Variants in ANGPT2 observed in about 807,000 individuals in gnomAD.
ANGPT2 encodes the protein angiopoietin 2, also known as angiopoietin-2.
In ANGPT2, 28 loss-of-function variants were observed where a neutral mutation model predicts 62.9. That is an observed-to-expected ratio of 0.44 (90% CI 0.33 to 0.61). ANGPT2 has a LOEUF of 0.61. Among genes scored for constraint, ANGPT2 ranks in the 20% least tolerant of loss-of-function variants. ANGPT2 has a pLI of 0.03. For synonymous variants in ANGPT2, 284 were observed against 207.8 expected (o/e 1.37, Z -3.15); for missense variants, 727 against 594.9 (o/e 1.22, Z -2.31).
At chr8:6,562,610 T>A (rs200032430) in intron 1 of ANGPT2, 37 bp downstream of exon 1, 2 of 1,068,630 alleles carry the variant, frequency 1.9e-6, no homozygotes, top group Non-Finnish European at 2.5e-6. Flanking sequence ...CTGATCTTAA[T>A]AGCATGTTCA....
chr8:6,522,231 T>C (rs1469019758), intron 3 of ANGPT2, among the ~76,000 whole-genome samples: 6 of 151,954 alleles, frequency 3.9e-5, no homozygotes, highest in Admixed American at 3.9e-4. Flanking sequence ...GGCGGGCGCC[T>C]GTAGTCACAG....
intron 3 of ANGPT2, among the ~76,000 whole-genome samples, chr8:6,523,071 C>T (rs1817666762): frequency 6.6e-6 from 1 of 151,738 alleles, no homozygotes; most frequent in Non-Finnish European, 1.5e-5. Context: ...CATCTTGGCT[C>T]ACTGCAACCT....
intron 1 of ANGPT2, among the ~76,000 whole-genome samples, chr8:6,554,863 C>CAGG (rs1824314652): frequency 6.6e-6 from 1 of 152,132 alleles, no homozygotes; most frequent in Admixed American, 6.6e-5. Flanking sequence ...GTCCAGTTCT[C>CAGG]AGGAGTTTTT....
chr8:6,519,245 C>T (rs1477628408), intron 5 of ANGPT2, among the ~76,000 whole-genome samples: 1 of 152,136 alleles, frequency 6.6e-6, no homozygotes, highest in Non-Finnish European at 1.5e-5. Flanking sequence ...TCACCAAGTC[C>T]ACAGGTTGAA....
Position 6,500,071 on chromosome 8 carries a change from C to T in ANGPT2, c.*3030G>A, listed in dbSNP as rs1485149580. On this transcript the variant is annotated 3_prime_UTR_variant, in exon 9 of 9. Coordinates refer to ENST00000629816, the MANE Select transcript of ANGPT2 (RefSeq NM_001118887.2). ...AAAAAGACATTCACAGAACTTAACACCTTTTATCAATTTATTCGCGAGAAC... is the reference window on the plus strand; with the variant it reads ...AAAAAGACATTCACAGAACTTAACATCTTTTATCAATTTATTCGCGAGAAC... 5.5e-6 allele frequency: 4 copies of T among 722,346 alleles called. No homozygotes were observed. The highest frequency in any genetic ancestry group is 2.6e-5 in the East Asian group (1 of 37,866). 44.7% of individuals were successfully genotyped at this position (722,346 alleles called of 1,614,324 possible).
chr8:6,553,691 C>G (rs1197130888), intron 1 of ANGPT2, among the ~76,000 whole-genome samples: 2 of 150,620 alleles, frequency 1.3e-5, no homozygotes, highest in East Asian at 1.9e-4. Flanking sequence ...TTACCTCTCC[C>G]CTTTTCCTTC....
chr8:6,520,053 TTC>T, intron 4 of ANGPT2, 62 bp from the exon 5 acceptor site: 1 of 1,577,342 alleles, frequency 6.3e-7, no homozygotes, highest in Non-Finnish European at 8.6e-7. Flanking sequence ...GACTTGTTAT[TTC>T]AAGAGCCAAT....
intron 1 of ANGPT2, among the ~76,000 whole-genome samples, chr8:6,555,888 G>GT (rs1824527063): frequency 6.6e-6 from 1 of 152,172 alleles, no homozygotes; most frequent in African/African-American, 2.4e-5. Flanking sequence ...CCAGTTGCTT[G>GT]TTTTTGCTTG....
intron 3 of ANGPT2, 101 bp from the exon 4 acceptor site, chr8:6,521,511 T>C: frequency 1.1e-6 from 1 of 871,636 alleles, no homozygotes; most frequent in Non-Finnish European, 1.7e-6. Flanking sequence ...TAAGATATTG[T>C]AGTGGTTATA....
At chr8:6,560,174 C>A (rs1444722979) in intron 1 of ANGPT2, among the ~76,000 whole-genome samples, 1 of 152,068 alleles carries the variant, frequency 6.6e-6, no homozygotes, top group African/African-American at 2.4e-5. Flanking sequence ...GTTTTTGAAT[C>A]TTTCATTTTT....
chr8:6,530,160 A>G (rs897466248), intron 2 of ANGPT2, among the ~76,000 whole-genome samples: 3 of 152,178 alleles, frequency 2.0e-5, no homozygotes, highest in African/African-American at 7.2e-5. Context: ...AAGGTGGGGC[A>G]TGTGACTTAA....
At chr8:6,535,298 A>G (rs1820280729) in intron 1 of ANGPT2, among the ~76,000 whole-genome samples, 1 of 152,246 alleles carries the variant, frequency 6.6e-6, no homozygotes, top group Non-Finnish European at 1.5e-5. Context: ...AGGATTGTTT[A>G]TAATTGAAAA....
chr8:6,520,375 T>G (rs991878957), intron 4 of ANGPT2, among the ~76,000 whole-genome samples: 13 of 152,204 alleles, frequency 8.5e-5, no homozygotes, highest in Non-Finnish European at 1.6e-4. Flanking sequence ...AGAATGTCCC[T>G]AAACACTGTT....
At chr8:6,506,516 C>T (rs1385982972) in intron 8 of ANGPT2, among the ~76,000 whole-genome samples, 2 of 152,310 alleles carry the variant, frequency 1.3e-5, no homozygotes, top group African/African-American at 4.8e-5. Context: ...CTAATAAGCA[C>T]ACCCTTCTCA....
intron 3 of ANGPT2, among the ~76,000 whole-genome samples, chr8:6,522,481 G>C (rs1817547990): frequency 6.6e-6 from 1 of 151,568 alleles, no homozygotes; most frequent in African/African-American, 2.4e-5. Flanking sequence ...TTGAAACTTA[G>C]GGACATTGAG....
chr8:6,513,068 T>TA (rs1462562235), intron 7 of ANGPT2, among the ~76,000 whole-genome samples: 2 of 152,250 alleles, frequency 1.3e-5, no homozygotes, highest in African/African-American at 4.8e-5. Flanking sequence ...TGGGAACACT[T>TA]ACTATTCACT....
chr8:6,542,903 G>A (rs2129574110), intron 1 of ANGPT2, among the ~76,000 whole-genome samples: 1 of 152,312 alleles, frequency 6.6e-6, no homozygotes, highest in African/African-American at 2.4e-5. Flanking sequence ...TCTAAATTTA[G>A]ATAATTTTCT....
intron 1 of ANGPT2, among the ~76,000 whole-genome samples, chr8:6,555,007 G>A (rs536926779): frequency 6.6e-6 from 1 of 152,328 alleles, no homozygotes; most frequent in South Asian, 2.1e-4. Context: ...AGTCCAGGCA[G>A]TGGTAGGCAG....
intron 1 of ANGPT2, among the ~76,000 whole-genome samples, chr8:6,544,182 A>G (rs1822118053): frequency 6.6e-6 from 1 of 152,250 alleles, no homozygotes; most frequent in African/African-American, 2.4e-5. Context: ...GTACGAATCA[A>G]CATATTTACC....
Sources: allele counts gnomAD v4.1 joint callset (sites outside exome capture counted in the v4.1 genomes callset), GRCh38; gene constraint gnomAD v4.1.1; transcripts MANE v1.5; gene names NCBI Gene and HGNC (gene_info 2026-07-23, HGNC 2026-07-21).